SIM1: variants seen among roughly 807,000 people sequenced by gnomAD.
SIM1 encodes the protein single-minded homolog 1.
Under a neutral mutation model 78.2 loss-of-function variants are expected in SIM1, and 18 were observed. The observed-to-expected ratio is 0.23, with a 90% CI of 0.16 to 0.34. The LOEUF is 0.34. Ranked by LOEUF, SIM1 falls within the 10% of genes least tolerant of loss-of-function variation. SIM1 has a pLI of 1.00. For missense variants in SIM1, 939 were observed against 975.1 expected (o/e 0.96, Z 0.49); for synonymous variants, 417 against 385.2 (o/e 1.08, Z -0.97).
chr6:100,427,832 C>T (rs896939429), intron 9 of SIM1, among the ~76,000 whole-genome samples: 1 of 152,202 alleles, frequency 6.6e-6, no homozygotes, highest in Non-Finnish European at 1.5e-5. Flanking sequence ...TTCTGTCTTA[C>T]AGTGTGGTGG....
At position 100,448,680 on chromosome 6, in the gene SIM1, T is replaced by C; in HGVS notation, c.544-2A>G. 6.2e-7 allele frequency: 1 copy of C among 1,609,000 alleles called. No individual in the cohort carries two copies. ...CAAGTAGCCGCTGCAGTGGATGACC[T>C]GAGGCAGAGGGATAGGGAGGGAGAC... On this transcript the variant is annotated splice_acceptor_variant, in intron 6 of 11. Transcript: ENST00000369208. LOFTEE classifies it high-confidence loss of function.
intron 10 of SIM1, among the ~76,000 whole-genome samples, chr6:100,407,327 G>C (rs1771075918): frequency 1.3e-5 from 2 of 151,998 alleles, no homozygotes; most frequent in Admixed American, 1.3e-4. Flanking sequence ...ATATTTCACT[G>C]TACATAGATA....
intron 1 of SIM1, among the ~76,000 whole-genome samples, 162 bp from the exon 2 acceptor site, chr6:100,464,097 C>T (rs1250437188): frequency 6.6e-6 from 1 of 152,156 alleles, no homozygotes; most frequent in Non-Finnish European, 1.5e-5. Flanking sequence ...GCGAGACAGC[C>T]CCCTGCAAAT....
chr6:100,457,822 G>A (rs118088260), intron 2 of SIM1, among the ~76,000 whole-genome samples: 3,398 of 152,284 alleles, frequency 0.022, 49 homozygotes, highest in East Asian at 0.043. Context: ...GAGCGCGCCG[G>A]GCCAGGTCTT....
At chr6:100,400,996 T>C (rs369457943) in intron 10 of SIM1, among the ~76,000 whole-genome samples, 6 of 151,980 alleles carry the variant, frequency 3.9e-5, no homozygotes, top group Non-Finnish European at 7.4e-5. Flanking sequence ...AAAACAGTTA[T>C]ACAGTAAAGA....
At chr6:100,398,818 T>C (rs1228657366) in intron 10 of SIM1, among the ~76,000 whole-genome samples, 1 of 152,114 alleles carries the variant, frequency 6.6e-6, no homozygotes, top group East Asian at 1.9e-4. Flanking sequence ...GATAATTCTA[T>C]TTTGAATTCT....
In SIM1 at chr6:100,412,637, AAAAG is replaced by A. The variant is rs1554220867; in HGVS notation, c.1167+8149_1167+8152del. ...GAAAGAAAGAAGGAAAGAAAGAAAG[AAAAG>A]AAAGAAAGAAAGAAAGAGAGAGAGA... On this transcript the variant is annotated intron_variant, in intron 10 of 11. Transcript: ENST00000369208. Among the ~76,000 whole-genome samples the A allele has an allele frequency of 9.9e-3, 908 of 91,692 alleles. 65 individuals carry two copies. The highest frequency in any genetic ancestry group is 0.03 in the African/African-American group (765 of 25,446). 60.2% of individuals were successfully genotyped at this position (91,692 alleles called of 152,430 possible).
At chr6:100,438,494 C>T (rs895109777) in intron 9 of SIM1, among the ~76,000 whole-genome samples, 2 of 152,200 alleles carry the variant, frequency 1.3e-5, no homozygotes, top group African/African-American at 4.8e-5. Flanking sequence ...AAAAAGGGAA[C>T]ACTTTCACAC....
At position 100,391,046 on chromosome 6, in the gene SIM1, G is replaced by A. The variant is rs368535355; in HGVS notation, c.1616C>T (p.Pro539Leu). 6.2e-7 allele frequency: 1 copy of A among 1,613,962 alleles called. No individual in the cohort carries two copies. The highest frequency in any genetic ancestry group is 1.7e-5 in the Admixed American group (1 of 59,996). ...DEDSVVSSPD[P>L]GSASESGDRY... ...GTCACCTGATTCACTGGCCGACCCAGGGTCTGGAGAACTGACCACACTATC... is the reference window on the plus strand; with the variant it reads ...GTCACCTGATTCACTGGCCGACCCAAGGTCTGGAGAACTGACCACACTATC... The change falls in exon 12 of 12, where the codon CCT becomes CTT. Residue 539 changes from proline to leucine, a missense_variant. Physicochemically the swap from Pro to Leu is moderately conservative, Grantham distance 98 (BLOSUM62 -3). Coordinates refer to ENST00000369208, the MANE Select transcript of SIM1 (RefSeq NM_005068.3).
intron 10 of SIM1, among the ~76,000 whole-genome samples, chr6:100,408,078 T>A (rs568057935): frequency 1.3e-5 from 2 of 152,240 alleles, no homozygotes; most frequent in East Asian, 3.9e-4. Flanking sequence ...AGGAGCTTTT[T>A]CCCTATGTTT....
rs535353633 is a variant in SIM1 at position 100,394,810 on chromosome 6, G to T, written c.1168-921C>A. On this transcript the variant is annotated intron_variant, in intron 10 of 11. Coordinates refer to ENST00000369208, the MANE Select transcript of SIM1 (RefSeq NM_005068.3). ...ACTCTGTTAACTCTCTGAGGGCCAT[G>T]CTGGATAGATGGCAGAATAGTTAAT... 1.8e-4 allele frequency among the ~76,000 whole-genome samples: 28 copies of T among 152,308 alleles called. No homozygotes were observed. In the Middle Eastern group the frequency reaches 0.01, roughly 56 times the overall value.
At chr6:100,432,645 G>T (rs539441185) in intron 9 of SIM1, among the ~76,000 whole-genome samples, 1 of 152,064 alleles carries the variant, frequency 6.6e-6, no homozygotes, top group East Asian at 1.9e-4. Flanking sequence ...TACTTCTGCA[G>T]ACCCCAAAAC....
At position 100,464,617 on chromosome 6, in the gene SIM1, C is replaced by T. The variant is rs1358290969; in HGVS notation, c.-471G>A. On this transcript the variant is annotated 5_prime_UTR_variant, in exon 1 of 12. The change abolishes the stop of an existing upstream ORF in the 5' untranslated region. Coordinates refer to ENST00000369208, the MANE Select transcript of SIM1 (RefSeq NM_005068.3). ...GGGCGTCTTCTGCTTCACCTACCTT[C>T]AGTCCCCACAAGCGGCAGAGGTTTC... 1 of 152,260 alleles carries T rather than the reference C, an allele frequency of 6.6e-6. No homozygotes were observed. The highest frequency in any genetic ancestry group is 2.4e-5 in the African/African-American group (1 of 41,438). The allele number at this position is 152,260 out of a possible 1,614,324, so 9.4% of individuals were successfully genotyped here.
intron 10 of SIM1, among the ~76,000 whole-genome samples, chr6:100,403,597 G>A (rs908906004): frequency 1.3e-5 from 2 of 152,078 alleles, no homozygotes; most frequent in African/African-American, 4.8e-5. Context: ...CTTTAGAAAA[G>A]GCAAAGACCT....
At chr6:100,444,071 T>G (rs1049995798) in intron 9 of SIM1, among the ~76,000 whole-genome samples, 4 of 151,966 alleles carry the variant, frequency 2.6e-5, no homozygotes, top group Admixed American at 2.0e-4. Flanking sequence ...GACTCTTAAT[T>G]TTCTTAGAAA....
At chr6:100,450,005 G>C (rs1772468510) in intron 4 of SIM1, among the ~76,000 whole-genome samples, 1 of 152,178 alleles carries the variant, frequency 6.6e-6, no homozygotes, top group Non-Finnish European at 1.5e-5. Flanking sequence ...CATGAAATAA[G>C]TATGTAACGT....
intron 2 of SIM1, among the ~76,000 whole-genome samples, chr6:100,456,882 C>A (rs570289595): frequency 3.3e-5 from 5 of 152,262 alleles, no homozygotes; most frequent in African/African-American, 1.2e-4. Context: ...ACTGACTGCA[C>A]GGGTTTTGTA....
At chr6:100,402,647 G>T (rs1770950155) in intron 10 of SIM1, among the ~76,000 whole-genome samples, 2 of 134,062 alleles carry the variant, frequency 1.5e-5, no homozygotes, top group African/African-American at 2.8e-5. Context: ...GCACGATCTC[G>T]GCTCACGGCA....
chr6:100,462,108 G>T (rs898924248), intron 2 of SIM1, among the ~76,000 whole-genome samples: 1 of 152,068 alleles, frequency 6.6e-6, no homozygotes, highest in Non-Finnish European at 1.5e-5. Flanking sequence ...ATCAAGCAAA[G>T]TGAAACTGCA....
Sources: gnomAD v4.1 joint callset for allele counts (sites outside exome capture counted in the v4.1 genomes callset) on GRCh38, gnomAD v4.1.1 for gene constraint, MANE v1.5 for transcripts, NCBI Gene and HGNC (gene_info 2026-07-23, HGNC 2026-07-21) for gene names.